The following FAM228B variants were observed in gnomAD, a reference collection of about 807,000 sequenced individuals.
FAM228B encodes the protein protein FAM228B.
Under a neutral mutation model 42.6 loss-of-function variants are expected in FAM228B, and 38 were observed. The observed-to-expected ratio is 0.89, with a 90% CI of 0.69 to 1.17. The LOEUF is 1.17. Ranked by LOEUF, FAM228B falls within the 50% of genes most tolerant of loss-of-function variation. The pLI, the probability that FAM228B is intolerant of heterozygous loss-of-function variation, is 0.00. For missense variants in FAM228B, 344 were observed against 367.3 expected (o/e 0.94, Z 0.52); for synonymous variants, 109 against 122.3 (o/e 0.89, Z 0.72).
intron 5 of FAM228B, among the ~76,000 whole-genome samples, chr2:24,140,095 A>G (rs558999846): frequency 2.3e-3 from 356 of 152,318 alleles, no homozygotes; most frequent in African/African-American, 8.3e-3. Context: ...TGTGTGAGGT[A>G]AGTCACAGAT....
intron 2 of FAM228B, 134 bp from the exon 3 acceptor site, chr2:24,134,985 A>G (rs1666545744): frequency 1.6e-6 from 1 of 617,448 alleles, no homozygotes; most frequent in Non-Finnish European, 2.9e-6. Flanking sequence ...ACTCGATGAT[A>G]TGATTTGGAG....
At chr2:24,119,572 C>T, upstream of FAM228B, 1 of 1,611,296 alleles carries the variant, frequency 6.2e-7, no homozygotes, top group South Asian at 1.1e-5. Flanking sequence ...AGGAGGCCAA[C>T]TTACCCAGGC....
chr2:24,157,188 G>C (rs998190019), intron 7 of FAM228B, among the ~76,000 whole-genome samples: 5 of 152,140 alleles, frequency 3.3e-5, no homozygotes, highest in African/African-American at 1.2e-4. Flanking sequence ...GTCTGAGAGA[G>C]TACTTGATAT....
rs1277912619 is a variant in FAM228B at position 24,095,698 on chromosome 2, G to C, written c.-121+469G>C. 1 of 152,466 alleles carries C rather than the reference G, an allele frequency of 6.6e-6. No individual in the cohort carries two copies. Among genetic ancestry groups the C allele is most frequent in the Non-Finnish European group, 1.5e-5 (1 of 68,212 alleles). 9.4% of individuals were successfully genotyped at this position (152,466 alleles called of 1,614,324 possible). ...CCAGGGCATAGCTGAACAAAAGGCA[G>C]CAGACAACTTTTGCAGACTTAAAGG... On this transcript the variant is annotated intron_variant, in intron 3 of 10. Transcript: ENST00000613899. This position sits in a 1 kb window ranked among gnomAD's most constrained non-coding sequence, Gnocchi z 4.8.
intron 7 of FAM228B, among the ~76,000 whole-genome samples, chr2:24,147,962 A>G (rs1358575113): frequency 6.9e-6 from 1 of 145,274 alleles, no homozygotes; most frequent in Non-Finnish European, 1.5e-5. Flanking sequence ...ATTGAATGCC[A>G]GATATTTGAT....
Position 24,164,262 on chromosome 2 carries a change from G to A in FAM228B, c.859G>A (p.Ala287Thr). Residue 287 changes from alanine (A) to threonine (T), a missense_variant, in exon 9 of 11, where the codon GCC (alanine) becomes ACC (threonine). Transcript: ENST00000615575. ...LCYQEGNNPS[A>T]KEAISEGYFS... Reference sequence around the variant, plus strand: ...CTATCAGGAGGGAAATAATCCAAGTGCCAAAGAGGCCATCTCTGAAGGGTA... The same window carrying A: ...CTATCAGGAGGGAAATAATCCAAGTACCAAAGAGGCCATCTCTGAAGGGTA... The A allele has an allele frequency of 6.4e-7, 1 of 1,551,352 alleles. No homozygotes were observed. Among genetic ancestry groups the A allele is most frequent in the Admixed American group, 2.0e-5 (1 of 51,006 alleles).
intron 7 of FAM228B, 25 bp from the exon 8 acceptor site, chr2:24,161,481 T>C (rs1361658686): frequency 2.2e-6 from 3 of 1,337,478 alleles, no homozygotes; most frequent in African/African-American, 2.9e-5. Context: ...AAAAAAACCT[T>C]CTCACACTTG....
intron 2 of FAM228B, among the ~76,000 whole-genome samples, chr2:24,082,151 A>C (rs1252020631): frequency 6.6e-6 from 1 of 152,114 alleles, no homozygotes; most frequent in Non-Finnish European, 1.5e-5. Flanking sequence ...ATGCACCATC[A>C]TGCCTGGTTA....
At chr2:24,159,512 A>G (rs921771271) in intron 7 of FAM228B, among the ~76,000 whole-genome samples, 8 of 152,220 alleles carry the variant, frequency 5.3e-5, no homozygotes, top group East Asian at 3.8e-4. Context: ...AAATCACTCA[A>G]TGCTTTGTTT....
At chr2:24,119,239 A>C (rs1666021397), upstream of FAM228B, among the ~76,000 whole-genome samples, 1 of 152,050 alleles carries the variant, frequency 6.6e-6, no homozygotes, top group Admixed American at 6.6e-5. Flanking sequence ...ATATGACCTG[A>C]AACTTGCCAA....
intron 9 of FAM228B, among the ~76,000 whole-genome samples, chr2:24,164,650 C>T (rs185245385): frequency 4.6e-5 from 7 of 152,128 alleles, no homozygotes; most frequent in African/African-American, 1.7e-4. Context: ...TTTCCCCAGC[C>T]CCTCTCTCAG....
At position 24,077,517 on chromosome 2, in the gene FAM228B, C is replaced by A; in HGVS notation, c.-290+548C>A. 6.6e-7 allele frequency: 1 copy of A among 1,524,016 alleles called. No individual in the cohort carries two copies. The highest frequency in any genetic ancestry group is 1.4e-5 in the African/African-American group (1 of 71,836). 94.4% of individuals were successfully genotyped at this position (1,524,016 alleles called of 1,614,324 possible). A position where few individuals can be genotyped will look rare whatever the true frequency, so the allele number is the denominator to read the frequency against. Reference sequence around the variant, plus strand: ...GTTTCTTGGCCTGTCTATTGTGAATCTTCTCCAGGTTTGCTCTGGAAAGGC... The same window carrying A: ...GTTTCTTGGCCTGTCTATTGTGAATATTCTCCAGGTTTGCTCTGGAAAGGC... On this transcript the variant is annotated intron_variant, in intron 1 of 10. Coordinates refer to the FAM228B transcript ENST00000613899. This position sits in a 1 kb window ranked among gnomAD's most constrained non-coding sequence, Gnocchi z 5.5.
At chr2:24,079,444 C>T (rs1664901625) in intron 1 of FAM228B, 3 of 1,613,840 alleles carry the variant, frequency 1.9e-6, no homozygotes, top group Non-Finnish European at 2.5e-6. Context: ...CATCACTCAC[C>T]TTATTGTCCC....
chr2:24,144,516 C>T (rs1013757250), intron 5 of FAM228B, among the ~76,000 whole-genome samples: 1 of 152,164 alleles, frequency 6.6e-6, no homozygotes, highest in East Asian at 1.9e-4. Context: ...ACTTGGAACA[C>T]GTCATCTAAG....
chr2:24,162,120 C>A lies in FAM228B; in HGVS notation c.794+507C>A, dbSNP rs1431974152. ...TCTCAAAAACAAACAAACAAAAAAA[C>A]CAAACAGCAACAACAAAACAAGTAG... On this transcript the variant is annotated intron_variant, in intron 8 of 10. Coordinates refer to ENST00000615575, the MANE Select transcript of FAM228B (RefSeq NM_001145710.2). 5.3e-5 allele frequency among the ~76,000 whole-genome samples: 8 copies of A among 151,770 alleles called. 1 individual carries two copies. Among genetic ancestry groups the A allele is most frequent in the Admixed American group, 4.6e-4 (7 of 15,198 alleles).
chr2:24,135,167 A>G lies in FAM228B; in HGVS notation c.148A>G (p.Lys50Glu), dbSNP rs1239551993. The change falls in exon 3 of 11, where the codon AAA becomes GAA. Residue 50 changes from lysine to glutamate, a missense_variant. Transcript: ENST00000615575. The part of the protein sequence containing the change: ...TEAAIQSILY[K>E]ENSVIKELDK... ...GGCAGCTATTCAATCAATATTATAC[A>G]AAGAAAATTCTGTAATTAAGGTAAG... is the stretch of plus-strand genomic sequence containing the variant. 5 of 1,498,344 alleles carry G rather than the reference A, an allele frequency of 3.3e-6. No individual in the cohort carries two copies. The highest frequency in any genetic ancestry group is 4.5e-6 in the Non-Finnish European group (5 of 1,110,386). 92.8% of individuals were successfully genotyped at this position (1,498,344 alleles called of 1,614,324 possible). A position where few individuals can be genotyped will look rare whatever the true frequency, so the allele number is the denominator to read the frequency against.
At chr2:24,107,550 TA>T (rs758831512) in intron 3 of FAM228B, among the ~76,000 whole-genome samples, 1 of 151,498 alleles carries the variant, frequency 6.6e-6, no homozygotes, top group Non-Finnish European at 1.5e-5. Flanking sequence ...CTCAGCAAAA[TA>T]AAAAAACCTG....
intron 3 of FAM228B, chr2:24,097,433 T>C (rs552666465): frequency 2.1e-4 from 19 of 92,352 alleles, no homozygotes; most frequent in African/African-American, 8.6e-4. Context: ...GAGGAAGATA[T>C]ACCAAGCAAA....
At chr2:24,094,074 G>A (rs538087792) in intron 2 of FAM228B, among the ~76,000 whole-genome samples, 57 of 115,882 alleles carry the variant, frequency 4.9e-4, no homozygotes, top group Non-Finnish European at 7.9e-4. Flanking sequence ...GGGTCTTGCT[G>A]TGTCACCCAG....
Sources: gnomAD v4.1 joint callset for allele counts (sites outside exome capture counted in the v4.1 genomes callset) on GRCh38, gnomAD v4.1.1 for gene constraint, Gnocchi (gnomAD v3.1) non-coding constraint, MANE v1.5 for transcripts, NCBI Gene and HGNC (gene_info 2026-07-23, HGNC 2026-07-21) for gene names.